Variants in PNPLA8 observed in about 807,000 individuals in gnomAD.
The protein encoded by PNPLA8 is calcium-independent phospholipase A2-gamma.
Under a neutral mutation model 76.9 loss-of-function variants are expected in PNPLA8, and 39 were observed. That is an observed-to-expected ratio of 0.51 (90% CI 0.39 to 0.66). The LOEUF (loss-of-function observed/expected upper bound fraction) is 0.66, where lower values mean the gene tolerates loss of function less well. Among genes scored for constraint, PNPLA8 ranks in the 30% least tolerant of loss-of-function variants. The probability of loss-of-function intolerance (pLI) is 0.00; values close to 1 mark genes in which losing one functional copy is unlikely to be tolerated. For missense variants in PNPLA8, 887 were observed against 918.0 expected (o/e 0.97, Z 0.44); for synonymous variants, 301 against 307.9 (o/e 0.98, Z 0.24).
chr7:108,505,431 C>G (rs1435015269), intron 4 of PNPLA8, among the ~76,000 whole-genome samples: 1 of 132,176 alleles, frequency 7.6e-6, no homozygotes, highest in Non-Finnish European at 1.5e-5. Context: ...GGCGTGATCT[C>G]AGCTCACCGC....
At chr7:108,473,773 T>C (rs1406691991) in intron 10 of PNPLA8, among the ~76,000 whole-genome samples, 2 of 152,202 alleles carry the variant, frequency 1.3e-5, no homozygotes, top group African/African-American at 4.8e-5. Flanking sequence ...GGTGCAATCA[T>C]GGCTCACCGC....
chr7:108,502,130 T>A (rs1229875736), intron 5 of PNPLA8, among the ~76,000 whole-genome samples: 1 of 151,686 alleles, frequency 6.6e-6, no homozygotes, highest in Non-Finnish European at 1.5e-5. Context: ...TAAAGCTGAA[T>A]TGAATCTGTA....
At chr7:108,522,052 T>C (rs1863774061) in intron 1 of PNPLA8, among the ~76,000 whole-genome samples, 1 of 152,042 alleles carries the variant, frequency 6.6e-6, no homozygotes, top group South Asian at 2.1e-4. Flanking sequence ...TCCCAGCACT[T>C]TGGGAGGCCG....
intron 2 of PNPLA8, among the ~76,000 whole-genome samples, chr7:108,518,540 A>G (rs1052194031): frequency 7.2e-5 from 11 of 152,038 alleles, no homozygotes; most frequent in Admixed American, 6.6e-4. Context: ...ATCAATTATA[A>G]TAACTGTACC....
chr7:108,486,363 G>A (rs1860736510), intron 9 of PNPLA8, among the ~76,000 whole-genome samples: 1 of 151,942 alleles, frequency 6.6e-6, no homozygotes, highest in South Asian at 2.1e-4. Flanking sequence ...ATAAGAATAG[G>A]GGAAATCGTT....
chr7:108,497,975 CAAT>C (rs992900829), intron 5 of PNPLA8, among the ~76,000 whole-genome samples: 1 of 110,814 alleles, frequency 9.0e-6, no homozygotes, highest in African/African-American at 3.4e-5. Context: ...ACCAGCTGAA[CAAT>C]ATAGCGAGAT....
At chr7:108,501,420 T>G (rs900982942) in intron 5 of PNPLA8, among the ~76,000 whole-genome samples, 2 of 152,212 alleles carry the variant, frequency 1.3e-5, no homozygotes, top group African/African-American at 4.8e-5. Flanking sequence ...GCACCAGAAC[T>G]GGCATCTCCA....
At chr7:108,476,347 C>T (rs1278630916) in intron 10 of PNPLA8, among the ~76,000 whole-genome samples, 1 of 152,144 alleles carries the variant, frequency 6.6e-6, no homozygotes, top group Non-Finnish European at 1.5e-5. Context: ...TATGCGACTG[C>T]CCGACTAAAG....
rs1863274325 is a variant in PNPLA8 at position 108,515,493 on chromosome 7, A to T, written c.-2T>A. The T allele has an allele frequency of 1.4e-6, 2 of 1,401,654 alleles. No individual in the cohort carries two copies. The highest frequency in any genetic ancestry group is 1.9e-6 in the Non-Finnish European group (2 of 1,068,988). 86.8% of individuals were successfully genotyped at this position (1,401,654 alleles called of 1,614,324 possible). A position where few individuals can be genotyped will look rare whatever the true frequency, so the allele number is the denominator to read the frequency against. On this transcript the variant is annotated 5_prime_UTR_variant, in exon 3 of 11. Transcript: ENST00000257694. ...ATCTACAGTCAGATTAATAGACATA[A>T]CTTAAAAATCATTTATTTTCTATGA...
rs1863180918 is a variant in PNPLA8, at chr7:108,514,689, T to C, written c.803A>G (p.Lys268Arg). ...AGGTATCGCAGAAGGACTTGTAGGC[T>C]TGTCCACCGTATGTACAGATTCTGA... Reference protein sequence around the residue: ...PGSESVHTVDKPTSPSAIPDV... With the variant: ...PGSESVHTVDRPTSPSAIPDV... The change falls in exon 3 of 11, where the codon AAG becomes AGG. Residue 268 changes from lysine to arginine, a missense_variant. Coordinates refer to ENST00000257694, the MANE Select transcript of PNPLA8 (RefSeq NM_001256007.3). The C allele has an allele frequency of 1.9e-6, 3 of 1,614,094 alleles. No individual in the cohort carries two copies. Among genetic ancestry groups the C allele is most frequent in the Non-Finnish European group, 2.5e-6 (3 of 1,179,950 alleles).
intron 8 of PNPLA8, among the ~76,000 whole-genome samples, chr7:108,488,509 T>C (rs926518530): frequency 1.8e-4 from 27 of 152,090 alleles, no homozygotes; most frequent in Non-Finnish European, 3.4e-4. Flanking sequence ...GAGGTGGGGG[T>C]TGGAGTGAGC....
chr7:108,471,538 A>G lies in PNPLA8; in HGVS notation c.*863T>C, dbSNP rs1041739013. The G allele has an allele frequency of 2.6e-5, 4 of 152,118 alleles. No individual in the cohort carries two copies. Among genetic ancestry groups the G allele is most frequent in the African/African-American group, 9.7e-5 (4 of 41,422 alleles). 9.4% of individuals were successfully genotyped at this position (152,118 alleles called of 1,614,324 possible). On this transcript the variant is annotated 3_prime_UTR_variant, in exon 11 of 11. Transcript: ENST00000257694. ...CAACTAACTTCTTATTTTTAAGCAT[A>G]CTGCTGCCAGGTGTATTCAAAGGCT...
intron 10 of PNPLA8, among the ~76,000 whole-genome samples, chr7:108,475,705 A>G (rs1402084256): frequency 6.6e-6 from 1 of 152,044 alleles, no homozygotes; most frequent in Non-Finnish European, 1.5e-5. Flanking sequence ...CACTGAGACT[A>G]CCCCACTTTT....
At chr7:108,478,399 GT>G (rs562771571) in intron 10 of PNPLA8, among the ~76,000 whole-genome samples, 1 of 150,932 alleles carries the variant, frequency 6.6e-6, no homozygotes, top group Non-Finnish European at 1.5e-5. Context: ...TTTGTTTTTG[GT>G]TTTTTTTTGA....
At chr7:108,498,125 A>C (rs1391836116) in intron 5 of PNPLA8, among the ~76,000 whole-genome samples, 3 of 136,230 alleles carry the variant, frequency 2.2e-5, no homozygotes, top group Admixed American at 1.4e-4. Flanking sequence ...GAAAAAAAAA[A>C]CAAAAAACAA....
chr7:108,523,953 T>A (rs1240087021), intron 1 of PNPLA8, among the ~76,000 whole-genome samples: 2 of 152,156 alleles, frequency 1.3e-5, no homozygotes, highest in African/African-American at 4.8e-5. Flanking sequence ...AGGTTTTAAA[T>A]CTGAAAAATA....
chr7:108,480,487 G>A (rs931960521), intron 9 of PNPLA8, among the ~76,000 whole-genome samples: 2 of 152,124 alleles, frequency 1.3e-5, no homozygotes, highest in Admixed American at 6.5e-5. Context: ...TTAACCGTCC[G>A]CTGAGTACAC....
intron 10 of PNPLA8, among the ~76,000 whole-genome samples, chr7:108,478,537 C>T (rs2154514798): frequency 6.6e-6 from 1 of 152,168 alleles, no homozygotes; most frequent in South Asian, 2.1e-4. Context: ...ATTACAGGTG[C>T]ACACTACCAT....
At chr7:108,495,861 G>A (rs1313259297) in intron 7 of PNPLA8, among the ~76,000 whole-genome samples, 1 of 151,940 alleles carries the variant, frequency 6.6e-6, no homozygotes, top group African/African-American at 2.4e-5. Context: ...AAAAGGAGAA[G>A]GATACGAATT....
Sources: gnomAD v4.1 joint callset for allele counts (sites outside exome capture counted in the v4.1 genomes callset) on GRCh38, gnomAD v4.1.1 for gene constraint, MANE v1.5 for transcripts, NCBI Gene and HGNC (gene_info 2026-07-23, HGNC 2026-07-21) for gene names.